AKR1C8: variants seen among roughly 807,000 people sequenced by gnomAD.
AKR1C8 encodes the protein aldo-keto reductase family 1 member C-like protein 1.
At chr10:5,171,205 G>A in the AKR1C8 span, among the ~76,000 whole-genome samples, 6 of 152,056 alleles carry the variant, frequency 3.9e-5, no homozygotes, top group South Asian at 1.2e-3. Context: ...GTACCTGTTA[G>A]AGCTTTATAG....
At chr10:5,168,895 C>A in the AKR1C8 span, among the ~76,000 whole-genome samples, 12 of 152,076 alleles carry the variant, frequency 7.9e-5, no homozygotes, top group African/African-American at 2.7e-4. Flanking sequence ...AGAACCAAGT[C>A]TCTTAATTAC....
At chr10:5,144,469 T>A in the AKR1C8 span, among the ~76,000 whole-genome samples, 1 of 151,868 alleles carries the variant, frequency 6.6e-6, no homozygotes, top group Admixed American at 6.6e-5. Flanking sequence ...TTGGGCAGTA[T>A]GGCCATTTTC....
chr10:5,176,039 T>C, the AKR1C8 span, among the ~76,000 whole-genome samples: 1 of 151,932 alleles, frequency 6.6e-6, no homozygotes, highest in Non-Finnish European at 1.5e-5. Flanking sequence ...GTTTTAGACA[T>C]GAAGTCCTTG....
chr10:5,152,661 GAGAC>G, the AKR1C8 span, among the ~76,000 whole-genome samples: 9 of 152,166 alleles, frequency 5.9e-5, no homozygotes, highest in Admixed American at 5.9e-4. Flanking sequence ...ATGGGACTGA[GAGAC>G]AGCAGATTAG....
the AKR1C8 span, chr10:5,162,102 T>G: frequency 5.1e-6 from 2 of 391,928 alleles, no homozygotes; most frequent in Non-Finnish European, 1.0e-5. Flanking sequence ...GAGCTGGGAC[T>G]AAACATATGT....
At chr10:5,165,295 A>G in the AKR1C8 span, among the ~76,000 whole-genome samples, 3 of 152,148 alleles carry the variant, frequency 2.0e-5, no homozygotes, top group Non-Finnish European at 1.5e-5. Context: ...TATTATAGGA[A>G]CAGCCTATTA....
chr10:5,119,258 C>T, the AKR1C8 span, among the ~76,000 whole-genome samples: 4 of 152,176 alleles, frequency 2.6e-5, no homozygotes, highest in Non-Finnish European at 5.9e-5. Context: ...CATGCCAGAA[C>T]ATGGGTAGAT....
At chr10:5,177,371 T>C in the AKR1C8 span, among the ~76,000 whole-genome samples, 1 of 152,072 alleles carries the variant, frequency 6.6e-6, no homozygotes, top group Non-Finnish European at 1.5e-5. Context: ...TGCTGCTGGA[T>C]TCGGTTTGCC....
chr10:5,154,841 C>A, the AKR1C8 span: 1 of 152,190 alleles, frequency 6.6e-6, no homozygotes, highest in Non-Finnish European at 1.5e-5. Flanking sequence ...GCAACTGGAA[C>A]GTCACGTTTA....
the AKR1C8 span, among the ~76,000 whole-genome samples, chr10:5,116,817 C>T: frequency 1.3e-5 from 2 of 152,310 alleles, no homozygotes; most frequent in South Asian, 2.1e-4. Context: ...CCCTGCGTAT[C>T]ATGCAGAACC....
chr10:5,154,935 C>T, the AKR1C8 span: 1 of 152,118 alleles, frequency 6.6e-6, no homozygotes, highest in South Asian at 2.1e-4. Context: ...AAGAGTCATG[C>T]CTTGAGGATC....
At chr10:5,154,145 A>G in the AKR1C8 span, 1 of 470,352 alleles carries the variant, frequency 2.1e-6, no homozygotes, top group Admixed American at 2.3e-5. Flanking sequence ...CATGGTCAAT[A>G]TTCTTCAGAA....
At chr10:5,132,702 G>A in the AKR1C8 span, 14 of 1,584,068 alleles carry the variant, frequency 8.8e-6, no homozygotes, top group Admixed American at 3.4e-5. Context: ...TAAATGAGCA[G>A]AATCAATATG....
chr10:5,129,544 G>C, the AKR1C8 span, among the ~76,000 whole-genome samples: 2 of 151,910 alleles, frequency 1.3e-5, no homozygotes, highest in Non-Finnish European at 2.9e-5. Flanking sequence ...CCAAGAAAAG[G>C]AGAGAAGATC....
the AKR1C8 span, among the ~76,000 whole-genome samples, chr10:5,126,499 T>C: frequency 6.3e-4 from 96 of 152,168 alleles, no homozygotes; most frequent in Middle Eastern, 3.4e-3. Context: ...GGGAATCCAG[T>C]TGAGAGCTCT....
At chr10:5,143,781 G>T in the AKR1C8 span, among the ~76,000 whole-genome samples, 2 of 149,204 alleles carry the variant, frequency 1.3e-5, no homozygotes, top group African/African-American at 4.9e-5. Context: ...TTTCTTTGGA[G>T]AATTTTAACC....
At chr10:5,164,898 TTC>T in the AKR1C8 span, among the ~76,000 whole-genome samples, 1 of 152,166 alleles carries the variant, frequency 6.6e-6, no homozygotes, top group Non-Finnish European at 1.5e-5. Context: ...TGCATTTTCT[TTC>T]TCTCTTTTCA....
At chr10:5,153,641 A>G in the AKR1C8 span, among the ~76,000 whole-genome samples, 1 of 152,152 alleles carries the variant, frequency 6.6e-6, no homozygotes, top group African/African-American at 2.4e-5. Flanking sequence ...ACGCGTCTTC[A>G]TGTGGCCAGA....
chr10:5,128,387 G>A, the AKR1C8 span, among the ~76,000 whole-genome samples: 1 of 151,968 alleles, frequency 6.6e-6, no homozygotes, highest in Non-Finnish European at 1.5e-5. Flanking sequence ...GCAACCAAAA[G>A]TATTTAGGTA....
Sources: gnomAD v4.1 joint callset for allele counts (sites outside exome capture counted in the v4.1 genomes callset) on GRCh38, gnomAD v4.1.1 for gene constraint, MANE v1.5 for transcripts, NCBI Gene and HGNC (gene_info 2026-07-23, HGNC 2026-07-21) for gene names.